Variants in PGBD5 observed in about 807,000 individuals in gnomAD.
PGBD5 encodes piggyBac transposable element-derived protein 5.
In PGBD5, 14 loss-of-function variants were observed where a neutral mutation model predicts 47.9. The observed-to-expected ratio is 0.29, with a 90% CI of 0.19 to 0.46. The LOEUF (loss-of-function observed/expected upper bound fraction) is 0.46, where lower values mean the gene tolerates loss of function less well. PGBD5 is among the 20% of genes least tolerant of loss of function. PGBD5 has a pLI of 1.00. For synonymous variants in PGBD5, 316 were observed against 306.3 expected (o/e 1.03, Z -0.33); for missense variants, 635 against 716.0 (o/e 0.89, Z 1.29).
chr1:230,325,541 AG>A (rs3830313), intron 5 of PGBD5, 126 bp from the exon 6 acceptor site: 2 of 688,354 alleles, frequency 2.9e-6, no homozygotes, highest in South Asian at 3.5e-5. Flanking sequence ...GGAGGAGGGG[AG>A]GGAAGAGTTG....
At chr1:230,409,418 C>T (rs1657368491) in intron 1 of PGBD5, among the ~76,000 whole-genome samples, 1 of 152,090 alleles carries the variant, frequency 6.6e-6, no homozygotes. Flanking sequence ...AAAGGTTTTG[C>T]CATTATTCAT....
chr1:230,393,373 C>T (rs1007376082), intron 1 of PGBD5, among the ~76,000 whole-genome samples: 1 of 151,250 alleles, frequency 6.6e-6, no homozygotes, highest in Non-Finnish European at 1.5e-5. Flanking sequence ...GGCGGGGATG[C>T]GAGGAGGAGG....
chr1:230,363,331 C>T (rs1667779012), intron 1 of PGBD5, among the ~76,000 whole-genome samples: 1 of 152,174 alleles, frequency 6.6e-6, no homozygotes, highest in African/African-American at 2.4e-5. Flanking sequence ...CCTGTAATCC[C>T]AGTACTTTAG....
At chr1:230,396,559 G>GCCACCCCCCCC (rs1656983637) in intron 1 of PGBD5, among the ~76,000 whole-genome samples, 1 of 117,564 alleles carries the variant, frequency 8.5e-6, no homozygotes, top group African/African-American at 3.7e-5. Flanking sequence ...ACATTTTGTT[G>GCCACCCCCCCC]CCCCCCCTCC....
At chr1:230,360,307 T>C (rs1667722375) in intron 1 of PGBD5, among the ~76,000 whole-genome samples, 2 of 152,088 alleles carry the variant, frequency 1.3e-5, no homozygotes, top group Non-Finnish European at 2.9e-5. Flanking sequence ...TAAGGCCTCT[T>C]TGAGTTGCTG....
At chr1:230,392,721 C>T (rs1382175651) in intron 1 of PGBD5, among the ~76,000 whole-genome samples, 1 of 152,162 alleles carries the variant, frequency 6.6e-6, no homozygotes, top group Non-Finnish European at 1.5e-5. Context: ...CAAGGAAATC[C>T]CCCGTGCGGC....
intron 1 of PGBD5, among the ~76,000 whole-genome samples, chr1:230,407,790 G>A (rs1657329474): frequency 6.6e-6 from 1 of 152,158 alleles, no homozygotes; most frequent in Non-Finnish European, 1.5e-5. Flanking sequence ...GATTATGAGA[G>A]GAAACAACTG....
At chr1:230,345,966 C>T (rs142029485) in intron 3 of PGBD5, among the ~76,000 whole-genome samples, 42 of 152,264 alleles carry the variant, frequency 2.8e-4, no homozygotes, top group African/African-American at 8.2e-4. Flanking sequence ...AAGTGGTCTC[C>T]GTCCTCAGCC....
intron 1 of PGBD5, among the ~76,000 whole-genome samples, chr1:230,396,038 C>CATCTTCCCTTT (rs1356251210): frequency 1.4e-5 from 2 of 144,716 alleles, no homozygotes; most frequent in African/African-American, 5.3e-5. Flanking sequence ...CCCTTGCTTC[C>CATCTTCCCTTT]GTCTTCCCTT....
chr1:230,402,458 C>T (rs1401603630), intron 1 of PGBD5, among the ~76,000 whole-genome samples: 3 of 152,346 alleles, frequency 2.0e-5, no homozygotes, highest in East Asian at 3.9e-4. Flanking sequence ...CAGGGTCTTG[C>T]TCTGTCACTA....
intron 3 of PGBD5, among the ~76,000 whole-genome samples, chr1:230,347,234 C>T (rs756611397): frequency 2.0e-5 from 3 of 152,008 alleles, no homozygotes; most frequent in East Asian, 1.9e-4. Context: ...CACAGAAGCA[C>T]GAGTGTGTGT....
chr1:230,413,938 A>G (rs982480353), intron 1 of PGBD5, among the ~76,000 whole-genome samples: 1 of 152,194 alleles, frequency 6.6e-6, no homozygotes, highest in Non-Finnish European at 1.5e-5. Context: ...TATTTGAAAG[A>G]AGATATGAAG....
intron 2 of PGBD5, among the ~76,000 whole-genome samples, chr1:230,355,783 G>A (rs936649227): frequency 2.6e-4 from 40 of 152,168 alleles, no homozygotes; most frequent in Non-Finnish European, 1.5e-4. Flanking sequence ...AGAAGGCGGC[G>A]TTCCAAGGGC....
intron 1 of PGBD5, among the ~76,000 whole-genome samples, chr1:230,408,921 C>G (rs1558214364): frequency 6.6e-6 from 1 of 151,944 alleles, no homozygotes; most frequent in Non-Finnish European, 1.5e-5. Flanking sequence ...AAAGACAACC[C>G]ACTAAATGGA....
intron 5 of PGBD5, among the ~76,000 whole-genome samples, chr1:230,328,858 C>T (rs997233605): frequency 2.6e-5 from 4 of 152,176 alleles, no homozygotes; most frequent in African/African-American, 9.7e-5. Context: ...AGATGACAGA[C>T]CCAAGGTGGA....
chr1:230,325,855 T>C (rs1032833940), intron 5 of PGBD5, among the ~76,000 whole-genome samples: 3 of 151,986 alleles, frequency 2.0e-5, no homozygotes, highest in Non-Finnish European at 4.4e-5. Context: ...GACAGCACCA[T>C]GGAGCCCTTT....
chr1:230,368,382 A>G (rs1382059890), intron 1 of PGBD5, among the ~76,000 whole-genome samples: 2 of 152,266 alleles, frequency 1.3e-5, no homozygotes, highest in Non-Finnish European at 2.9e-5. Flanking sequence ...TGAAATTTTT[A>G]GAGGAAGTCA....
rs1666918813 is a variant in PGBD5, at chr1:230,315,373, T to C, written c.*8052A>G. On this transcript the variant is annotated 3_prime_UTR_variant, in exon 7 of 7. Transcript: ENST00000391860. Reference sequence around the variant, plus strand: ...GCCTCCTGGGATATGCACCCGGCGGTCCCCATTCAGCCCCGGGAGCCACTC... The same window carrying C: ...GCCTCCTGGGATATGCACCCGGCGGCCCCCATTCAGCCCCGGGAGCCACTC... The C allele has an allele frequency of 7.2e-6, 1 of 138,698 alleles. No homozygotes were observed. The highest frequency in any genetic ancestry group is 3.3e-5 in the African/African-American group (1 of 30,572). The allele number at this position is 138,698 out of a possible 1,614,324, so 8.6% of individuals were successfully genotyped here.
At chr1:230,326,443 G>C (rs543830607) in intron 5 of PGBD5, among the ~76,000 whole-genome samples, 1 of 152,106 alleles carries the variant, frequency 6.6e-6, no homozygotes, top group Non-Finnish European at 1.5e-5. Context: ...AAATAAAAAA[G>C]CAAAAGGGTG....
Sources: allele counts gnomAD v4.1 joint callset (sites outside exome capture counted in the v4.1 genomes callset), GRCh38; gene constraint gnomAD v4.1.1; transcripts MANE v1.5; gene names NCBI Gene and HGNC (gene_info 2026-07-23, HGNC 2026-07-21).